TRPC4AP: variants seen among roughly 807,000 people sequenced by gnomAD.
TRPC4AP encodes the protein transient receptor potential cation channel subfamily C member 4 associated protein, also known as short transient receptor potential channel 4-associated protein.
A neutral mutation model predicts 99.0 loss-of-function variants in TRPC4AP; 45 were observed. The ratio of observed to expected loss-of-function variants is 0.45; its 90% CI spans 0.36 to 0.58. TRPC4AP has a LOEUF of 0.58. TRPC4AP is among the 20% of genes least tolerant of loss of function. TRPC4AP has a pLI of 0.00. For missense variants in TRPC4AP, 879 were observed against 985.3 expected (o/e 0.89, Z 1.44); for synonymous variants, 408 against 385.8 (o/e 1.06, Z -0.67).
chr20:35,085,138 T>C (rs961435120), intron 1 of TRPC4AP, among the ~76,000 whole-genome samples: 3 of 152,182 alleles, frequency 2.0e-5, no homozygotes, highest in Non-Finnish European at 4.4e-5. Context: ...TAGCTAAGTA[T>C]GGACACTGAA....
chr20:35,008,041 C>T (rs538098444), intron 13 of TRPC4AP, among the ~76,000 whole-genome samples: 4 of 152,316 alleles, frequency 2.6e-5, no homozygotes, highest in South Asian at 2.1e-4. Context: ...GGCTCACAGA[C>T]GATGGGCTGG....
chr20:35,015,461 C>T (rs1461364600), intron 10 of TRPC4AP, among the ~76,000 whole-genome samples: 4 of 126,140 alleles, frequency 3.2e-5, no homozygotes, highest in Admixed American at 8.4e-5. Flanking sequence ...CAGGCAGGAA[C>T]TTTTTTTTTT....
Position 35,092,616 on chromosome 20 carries a change from G to A in TRPC4AP, c.166C>T (p.Gln56Ter). The A allele has an allele frequency of 1.3e-6, 2 of 1,507,784 alleles. No individual in the cohort carries two copies. The highest frequency in any genetic ancestry group is 1.8e-6 in the Non-Finnish European group (2 of 1,136,098). The allele number at this position is 1,507,784 out of a possible 1,614,324, so 93.4% of individuals were successfully genotyped here. The change falls in exon 1 of 19, where the codon CAG (glutamine) becomes TAG (stop). Residue 56 changes from glutamine (Q) to a stop codon, truncating the protein, a stop_gained and splice_region_variant. Transcript: ENST00000252015. LOFTEE classifies it high-confidence loss of function. Reference protein sequence around the residue: ...LTGRGLVRAVQFTETFLTERD... With the variant: ...LTGRGLVRAV ...CCCCTCCTGGTCCAGCCTCGTACCT[G>A]CACCGCCCGGACCAGGCCCCGGCCG... is the stretch of plus-strand genomic sequence containing the variant.
At chr20:35,025,100 C>A (rs1042645329) in intron 8 of TRPC4AP, among the ~76,000 whole-genome samples, 1 of 152,168 alleles carries the variant, frequency 6.6e-6, no homozygotes, top group African/African-American at 2.4e-5. Flanking sequence ...CTAATAGTGA[C>A]TGAGGGCTCT....
chr20:35,069,253 T>G (rs781001817), intron 3 of TRPC4AP, 43 bp downstream of exon 3: 1 of 1,105,810 alleles, frequency 9.0e-7, no homozygotes, highest in African/African-American at 1.6e-5. Flanking sequence ...CCCAAACCAT[T>G]AAGCAGTAGT....
Position 35,015,934 on chromosome 20 carries a change from G to C in TRPC4AP, c.1350+74C>G, listed in dbSNP as rs1008801003. 1.9e-5 allele frequency: 30 copies of C among 1,587,192 alleles called. 1 individual carries two copies. Among genetic ancestry groups the C allele is most frequent in the Middle Eastern group, 1.8e-4 (1 of 5,662 alleles). ...ACTCCCAAAGGAAAAAAGGTCAAAGGGTCAGCAGCAGGTCTTGAAACAACT... is the reference window on the plus strand; with the variant it reads ...ACTCCCAAAGGAAAAAAGGTCAAAGCGTCAGCAGCAGGTCTTGAAACAACT... On this transcript the variant is annotated intron_variant, in intron 10 of 18. Coordinates refer to ENST00000252015, the MANE Select transcript of TRPC4AP (RefSeq NM_015638.3).
intron 8 of TRPC4AP, among the ~76,000 whole-genome samples, chr20:35,024,129 ACT>A (rs1491273477): frequency 1.2e-5 from 1 of 85,328 alleles, no homozygotes; most frequent in Non-Finnish European, 2.6e-5. Context: ...ATGCACACTC[ACT>A]TTTTTTTTTT....
intron 2 of TRPC4AP, among the ~76,000 whole-genome samples, chr20:35,076,905 G>A (rs1338645840): frequency 6.6e-6 from 1 of 152,122 alleles, no homozygotes; most frequent in East Asian, 1.9e-4. Flanking sequence ...GCTGCGGTGG[G>A]CTCCACTCAG....
chr20:35,026,560 C>T (rs2083036242), intron 8 of TRPC4AP, among the ~76,000 whole-genome samples: 1 of 152,164 alleles, frequency 6.6e-6, no homozygotes, highest in Non-Finnish European at 1.5e-5. Flanking sequence ...TGCATTTCCA[C>T]ATGAACTTTA....
At chr20:35,027,463 C>T (rs975430890) in intron 8 of TRPC4AP, among the ~76,000 whole-genome samples, 2 of 152,118 alleles carry the variant, frequency 1.3e-5, no homozygotes, top group Non-Finnish European at 2.9e-5. Context: ...ATTTTTGCAC[C>T]TATAATCATA....
intron 1 of TRPC4AP, among the ~76,000 whole-genome samples, chr20:35,089,038 A>T (rs1448538330): frequency 1.1e-5 from 1 of 88,738 alleles, no homozygotes. Flanking sequence ...TTAACTATAC[A>T]CCTTTTTTTT....
intron 8 of TRPC4AP, among the ~76,000 whole-genome samples, chr20:35,025,614 ATTG>A (rs1199053531): frequency 2.0e-5 from 3 of 151,932 alleles, no homozygotes; most frequent in Admixed American, 1.3e-4. Flanking sequence ...TTTTTTTATT[ATTG>A]TTATGAGAGT....
chr20:35,052,202 C>CA (rs1397888279), intron 5 of TRPC4AP, among the ~76,000 whole-genome samples: 1 of 150,784 alleles, frequency 6.6e-6, no homozygotes, highest in African/African-American at 2.4e-5. Context: ...CAGGCTCAAG[C>CA]AATCCTCCCA....
intron 7 of TRPC4AP, among the ~76,000 whole-genome samples, chr20:35,041,803 C>A (rs1298892185): frequency 6.6e-6 from 1 of 152,204 alleles, no homozygotes; most frequent in African/African-American, 2.4e-5. Context: ...CAATACAGAA[C>A]CTTTCTAGCC....
intron 8 of TRPC4AP, 41 bp downstream of exon 8, chr20:35,035,082 G>A (rs1265516554): frequency 6.4e-7 from 1 of 1,568,492 alleles, no homozygotes; most frequent in Non-Finnish European, 8.6e-7. Flanking sequence ...AGGCGCCCAA[G>A]GAAAAGCTCC....
intron 7 of TRPC4AP, among the ~76,000 whole-genome samples, chr20:35,040,749 G>A (rs764081620): frequency 5.3e-5 from 8 of 152,106 alleles, no homozygotes; most frequent in Non-Finnish European, 8.8e-5. Flanking sequence ...GATTACAGGC[G>A]TGTCACCATG....
chr20:35,051,579 A>T (rs1330146047), intron 5 of TRPC4AP, among the ~76,000 whole-genome samples: 2 of 151,892 alleles, frequency 1.3e-5, no homozygotes. Flanking sequence ...ATCTGTATTA[A>T]TACATTTCGG....
intron 3 of TRPC4AP, among the ~76,000 whole-genome samples, chr20:35,060,585 C>CAAAAAAAAAAAAAA: frequency 1.4e-5 from 1 of 70,386 alleles, no homozygotes. Context: ...ACCTTGTCTC[C>CAAAAAAAAAAAAAA]AAAAAAAAAA....
chr20:35,006,984 C>T (rs747706444), intron 14 of TRPC4AP, among the ~76,000 whole-genome samples: 1 of 152,242 alleles, frequency 6.6e-6, no homozygotes, highest in Non-Finnish European at 1.5e-5. Flanking sequence ...ATTTTGACCC[C>T]ATGGTTTGTC....
Sources: allele counts gnomAD v4.1 joint callset (sites outside exome capture counted in the v4.1 genomes callset), GRCh38; gene constraint gnomAD v4.1.1; transcripts MANE v1.5; gene names NCBI Gene and HGNC (gene_info 2026-07-23, HGNC 2026-07-21).